The following RAPGEF1 variants were observed in gnomAD, a reference collection of about 807,000 sequenced individuals.
The protein encoded by RAPGEF1 is CRK SH3-binding GNRP.
A neutral mutation model predicts 143.3 loss-of-function variants in RAPGEF1; 33 were observed. That is an observed-to-expected ratio of 0.23 (90% CI 0.17 to 0.31). RAPGEF1 has a LOEUF of 0.31. Ranked by LOEUF, RAPGEF1 falls within the 10% of genes least tolerant of loss-of-function variation. RAPGEF1 has a pLI of 1.00. For synonymous variants in RAPGEF1, 629 were observed against 676.5 expected, an observed-to-expected ratio of 0.93 and a Z score of 1.09; for missense variants, 1,199 against 1,645.4, an observed-to-expected ratio of 0.73 and a Z score of 4.69.
At chr9:131,729,332 T>C (rs1360683893) in intron 1 of RAPGEF1, among the ~76,000 whole-genome samples, 1 of 103,936 alleles carries the variant, frequency 9.6e-6, no homozygotes, top group Non-Finnish European at 1.7e-5. Flanking sequence ...TGACACTCAG[T>C]GACAGCCAGT....
In RAPGEF1 at chr9:131,630,218, G is replaced by C; in HGVS notation, c.740+18C>G. ...ACTGAGCGTGACACCCGCGACACGA[G>C]GGTTAGTCAGCACCTACCCATCAGG... On this transcript the variant is annotated intron_variant, in intron 6 of 26. Transcript: ENST00000683357. The C allele has an allele frequency of 6.2e-7, 1 of 1,611,746 alleles. No homozygotes were observed. Among genetic ancestry groups the C allele is most frequent in the Non-Finnish European group, 8.5e-7 (1 of 1,177,994 alleles).
chr9:131,737,629 G>T lies in RAPGEF1; in HGVS notation c.61+2141C>A, dbSNP rs897501396. On this transcript the variant is annotated intron_variant, in intron 1 of 26. Transcript: ENST00000683357. Reference sequence around the variant, plus strand: ...AATGAAGAGTCATTTCATTCCCAGCGGTTTGGGCAGCTCATGGGATGACAG... The same window carrying T: ...AATGAAGAGTCATTTCATTCCCAGCTGTTTGGGCAGCTCATGGGATGACAG... 16 of 1,428,870 alleles carry T rather than the reference G, an allele frequency of 1.1e-5. No homozygotes were observed. The Admixed American group carries it at 4.4e-4, about 39-fold the overall frequency. The allele number at this position is 1,428,870 out of a possible 1,614,324, so 88.5% of individuals were successfully genotyped here. A position where few individuals can be genotyped will look rare whatever the true frequency, so the allele number is the denominator to read the frequency against.
intron 1 of RAPGEF1, among the ~76,000 whole-genome samples, chr9:131,696,656 A>G (rs1834204751): frequency 6.6e-6 from 1 of 152,262 alleles, no homozygotes; most frequent in African/African-American, 2.4e-5. Context: ...GCACTAAGAA[A>G]TGAACAGCTC....
At chr9:131,734,485 T>G (rs958839980) in intron 1 of RAPGEF1, among the ~76,000 whole-genome samples, 1 of 152,206 alleles carries the variant, frequency 6.6e-6, no homozygotes, top group African/African-American at 2.4e-5. Context: ...CCACGAGGCA[T>G]CACTTGGTGT....
Position 131,638,749 on chromosome 9 carries a change from G to A in RAPGEF1, c.537C>T (p.Leu179=), listed in dbSNP as rs748106465. 8.2e-5 allele frequency: 133 copies of A among 1,613,840 alleles called. No homozygotes were observed. Among genetic ancestry groups the A allele is most frequent in the Middle Eastern group, 1.6e-4 (1 of 6,084 alleles). ...SSCYSRVYQS[L]ANLIRWSDQV... ...GGTCAGACCAGCGAATGAGGTTGGCGAGGCTTTGGTACACTCGGCTATAGC... is the reference window on the plus strand; with the variant it reads ...GGTCAGACCAGCGAATGAGGTTGGCAAGGCTTTGGTACACTCGGCTATAGC... The change falls in exon 5 of 27, where the codon CTC becomes CTT. Residue 179 remains leucine, a synonymous_variant. Coordinates refer to ENST00000683357, the MANE Select transcript of RAPGEF1 (RefSeq NM_001377935.1).
At chr9:131,633,176 T>C (rs1965408681) in intron 5 of RAPGEF1, among the ~76,000 whole-genome samples, 1 of 152,192 alleles carries the variant, frequency 6.6e-6, no homozygotes, top group African/African-American at 2.4e-5. Flanking sequence ...TAGAAGTTAA[T>C]ATTTAAGGGA....
intron 12 of RAPGEF1, among the ~76,000 whole-genome samples, chr9:131,613,072 G>A (rs991045851): frequency 1.3e-5 from 2 of 152,166 alleles, no homozygotes; most frequent in Non-Finnish European, 2.9e-5. Context: ...CCCACATGGC[G>A]ACAGATCTGA....
At chr9:131,674,968 C>T (rs1832059457) in intron 1 of RAPGEF1, among the ~76,000 whole-genome samples, 2 of 151,978 alleles carry the variant, frequency 1.3e-5, no homozygotes, top group African/African-American at 2.4e-5. Context: ...AACCTTGGTC[C>T]GGTTCCCCAG....
At chr9:131,735,538 G>A (rs976435538) in intron 1 of RAPGEF1, among the ~76,000 whole-genome samples, 4 of 152,322 alleles carry the variant, frequency 2.6e-5, no homozygotes, top group South Asian at 4.1e-4. Flanking sequence ...AGCCTTGTAC[G>A]GAGCCTGATG....
intron 1 of RAPGEF1, among the ~76,000 whole-genome samples, chr9:131,725,782 G>A (rs1230795524): frequency 3.1e-4 from 43 of 140,072 alleles, no homozygotes; most frequent in African/African-American, 9.0e-4. Flanking sequence ...TTTTTGAGAC[G>A]GAGTCTTGCT....
At chr9:131,619,464 A>C (rs1960084455) in intron 11 of RAPGEF1, among the ~76,000 whole-genome samples, 1 of 152,180 alleles carries the variant, frequency 6.6e-6, no homozygotes, top group South Asian at 2.1e-4. Context: ...GGGTGGAAGG[A>C]GGACGAGGGG....
Position 131,739,762 on chromosome 9 carries a change from C to G in RAPGEF1, c.61+8G>C. 1 of 1,164,060 alleles carries G rather than the reference C, an allele frequency of 8.6e-7. No individual in the cohort carries two copies. Among genetic ancestry groups the G allele is most frequent in the Non-Finnish European group, 1.1e-6 (1 of 928,210 alleles). The allele number at this position is 1,164,060 out of a possible 1,614,324, so 72.1% of individuals were successfully genotyped here. ...GCCGGAGGGAGCCGCCCCACGCCCG[C>G]GCCTCACCTGCTTTCTCGATCTTGC... On this transcript the variant is annotated splice_region_variant and intron_variant, in intron 1 of 26. Transcript: ENST00000683357.
At chr9:131,614,399 CCTCTCCTCCCTTCTT>C (rs1463270613) in intron 12 of RAPGEF1, among the ~76,000 whole-genome samples, 1 of 152,252 alleles carries the variant, frequency 6.6e-6, no homozygotes, top group Non-Finnish European at 1.5e-5. Context: ...TTTTCCTCCT[CCTCTCCTCCCTTCTT>C]CTCTCCTTCT....
At position 131,628,494 on chromosome 9, in the gene RAPGEF1, C is replaced by T. The variant is rs939816940; in HGVS notation, c.1017+55G>A. 1 of 1,595,104 alleles carries T rather than the reference C, an allele frequency of 6.3e-7. No individual in the cohort carries two copies. Among genetic ancestry groups the T allele is most frequent in the South Asian group, 1.1e-5 (1 of 89,846 alleles). ...TCTTTCAGCTTCAGGAGCCACATCCCTGAGCCCCCCACCCCCTCCCTGCCT... is the reference window on the plus strand; with the variant it reads ...TCTTTCAGCTTCAGGAGCCACATCCTTGAGCCCCCCACCCCCTCCCTGCCT... On this transcript the variant is annotated intron_variant, in intron 8 of 26. Coordinates refer to ENST00000683357, the MANE Select transcript of RAPGEF1 (RefSeq NM_001377935.1). This position sits in a 1 kb window ranked among gnomAD's most constrained non-coding sequence, Gnocchi z 5.7.
intron 22 of RAPGEF1, among the ~76,000 whole-genome samples, chr9:131,585,308 G>A (rs2132140387): frequency 6.6e-6 from 1 of 152,158 alleles, no homozygotes; most frequent in East Asian, 1.9e-4. Context: ...AGCTTCCCGA[G>A]TAGCTGGGAC....
chr9:131,693,928 G>A (rs964940417), intron 1 of RAPGEF1, among the ~76,000 whole-genome samples: 23 of 151,560 alleles, frequency 1.5e-4, no homozygotes, highest in Admixed American at 1.3e-4. Context: ...CACAAATCTC[G>A]TATCCTCTCA....
intron 1 of RAPGEF1, among the ~76,000 whole-genome samples, chr9:131,692,248 G>A (rs754525997): frequency 9.2e-5 from 14 of 152,188 alleles, no homozygotes; most frequent in East Asian, 5.8e-4. Context: ...AATTCACCTC[G>A]CTTTATCTTT....
In RAPGEF1 at chr9:131,675,639, T is replaced by C. The variant is rs1588966531; in HGVS notation, c.62-24690A>G. Among the ~76,000 whole-genome samples, 2 of 152,204 alleles carry C rather than the reference T, an allele frequency of 1.3e-5. No homozygotes were observed. Among genetic ancestry groups the C allele is most frequent in the Non-Finnish European group, 2.9e-5 (2 of 68,028 alleles). ...AATCCAAAGTAAGCACACACCATTA[T>C]CCTGCCCCTGTACCAGGAAAGCCCC... On this transcript the variant is annotated intron_variant, in intron 1 of 26. Transcript: ENST00000683357. This position sits in a 1 kb window ranked among gnomAD's most constrained non-coding sequence, Gnocchi z 4.6.
chr9:131,681,210 CATTATT>C (rs1199888975), intron 1 of RAPGEF1, among the ~76,000 whole-genome samples: 1 of 152,158 alleles, frequency 6.6e-6, no homozygotes, highest in Non-Finnish European at 1.5e-5. Flanking sequence ...TGCACCCCCT[CATTATT>C]ATTTTGAAGA....
Sources: gnomAD v4.1 joint callset for allele counts (sites outside exome capture counted in the v4.1 genomes callset) on GRCh38, gnomAD v4.1.1 for gene constraint, Gnocchi (gnomAD v3.1) non-coding constraint, MANE v1.5 for transcripts, NCBI Gene and HGNC (gene_info 2026-07-23, HGNC 2026-07-21) for gene names.